Variants in SH3D19 observed in about 807,000 individuals in gnomAD.
SH3D19 encodes SH3 domain-containing protein 19.
Under a neutral mutation model 112.1 loss-of-function variants are expected in SH3D19, and 58 were observed. The ratio of observed to expected loss-of-function variants is 0.52; its 90% CI spans 0.42 to 0.64. SH3D19 has a LOEUF of 0.64. Ranked by LOEUF, SH3D19 falls within the 30% of genes least tolerant of loss-of-function variation. The pLI, the probability that SH3D19 is intolerant of heterozygous loss-of-function variation, is 0.00. For missense variants in SH3D19, 1,090 were observed against 1,263.4 expected (o/e 0.86, Z 2.08); for synonymous variants, 391 against 448.5 (o/e 0.87, Z 1.62).
chr4:151,198,817 T>G (rs1230745586), intron 2 of SH3D19, among the ~76,000 whole-genome samples: 1 of 152,200 alleles, frequency 6.6e-6, no homozygotes, highest in East Asian at 1.9e-4. Context: ...GGAGTTACTG[T>G]TATAAAGCTG....
chr4:151,227,025 A>C (rs1210299501), intron 1 of SH3D19, among the ~76,000 whole-genome samples: 2 of 152,222 alleles, frequency 1.3e-5, no homozygotes, highest in Non-Finnish European at 2.9e-5. Flanking sequence ...AATATGAAGC[A>C]ATATACAAAC....
intron 1 of SH3D19, among the ~76,000 whole-genome samples, chr4:151,307,330 T>A (rs1490956725): frequency 6.6e-6 from 1 of 152,220 alleles, no homozygotes; most frequent in African/African-American, 2.4e-5. Context: ...CCCCTAATGA[T>A]GACTTCTATC....
chr4:151,190,435 C>G (rs1311146815), intron 2 of SH3D19, among the ~76,000 whole-genome samples: 2 of 152,204 alleles, frequency 1.3e-5, no homozygotes, highest in Non-Finnish European at 2.9e-5. Flanking sequence ...CCTCCCATCA[C>G]AGGCCCTGAG....
intron 19 of SH3D19, among the ~76,000 whole-genome samples, chr4:151,127,225 G>A (rs138299891): frequency 6.6e-6 from 1 of 152,284 alleles, no homozygotes; most frequent in African/African-American, 2.4e-5. Context: ...ATTGTAGCAG[G>A]TGCTATCTGA....
chr4:151,304,893 C>A (rs115368941), intron 1 of SH3D19, among the ~76,000 whole-genome samples: 327 of 152,266 alleles, frequency 2.1e-3, no homozygotes, highest in African/African-American at 7.7e-3. Flanking sequence ...TGTCTGAGTA[C>A]TGAAGGTGTG....
intron 1 of SH3D19, among the ~76,000 whole-genome samples, chr4:151,250,979 C>T (rs187500454): frequency 6.6e-6 from 1 of 152,238 alleles, no homozygotes; most frequent in Non-Finnish European, 1.5e-5. Flanking sequence ...AGGGCACAGA[C>T]CCCAGAATAC....
In SH3D19 at chr4:151,128,250, C is replaced by T. The variant is rs765981469; in HGVS notation, c.2849G>A (p.Arg950His). The change falls in exon 18 of 20, where the codon CGT (arginine) becomes CAT (histidine). Residue 950 changes from arginine to histidine, a missense_variant. Coordinates refer to ENST00000604030, the MANE Select transcript of SH3D19 (RefSeq NM_001378122.1). ...KRGDRIQILE[R>H]LDSDWCRGRL... ...GCCCCTGCACCAGTCAGAATCCAGA[C>T]GTTCCAGAATCTGGATCCGGTCTCC... 8.1e-6 allele frequency: 13 copies of T among 1,613,992 alleles called. No individual in the cohort carries two copies. The highest frequency in any genetic ancestry group is 2.2e-5 in the East Asian group (1 of 44,894).
chr4:151,180,817 G>A (rs1036628718), intron 3 of SH3D19, among the ~76,000 whole-genome samples: 1 of 151,158 alleles, frequency 6.6e-6, no homozygotes, highest in African/African-American at 2.4e-5. Context: ...AGGCTGGAGT[G>A]CAGTGGCGCC....
intron 1 of SH3D19, among the ~76,000 whole-genome samples, chr4:151,288,576 G>A (rs569835861): frequency 5.9e-5 from 9 of 151,936 alleles, no homozygotes; most frequent in Non-Finnish European, 1.3e-4. Context: ...GTGAAACCTC[G>A]TCTCTACTAA....
intron 1 of SH3D19, among the ~76,000 whole-genome samples, chr4:151,292,988 C>G (rs910528758): frequency 6.6e-6 from 1 of 151,862 alleles, no homozygotes; most frequent in Non-Finnish European, 1.5e-5. Flanking sequence ...GGCATGGTGG[C>G]GGGTGCCTGT....
intron 1 of SH3D19, among the ~76,000 whole-genome samples, chr4:151,318,915 A>C (rs1042070059): frequency 1.3e-5 from 2 of 152,208 alleles, no homozygotes; most frequent in African/African-American, 4.8e-5. Context: ...TCTTCTTTAA[A>C]GTGTAACAGT....
At chr4:151,285,700 C>G (rs905613035) in intron 1 of SH3D19, among the ~76,000 whole-genome samples, 4 of 151,888 alleles carry the variant, frequency 2.6e-5, no homozygotes, top group African/African-American at 9.7e-5. Context: ...GACCTTGTCT[C>G]TACTAAAAAT....
At chr4:151,226,539 G>C (rs1769032796) in intron 1 of SH3D19, 8 of 889,522 alleles carry the variant, frequency 9.0e-6, no homozygotes, top group Non-Finnish European at 1.1e-5. Flanking sequence ...CAAATACTAA[G>C]ACCAATACAG....
intron 2 of SH3D19, among the ~76,000 whole-genome samples, chr4:151,216,095 C>T (rs1767044273): frequency 6.6e-6 from 1 of 152,178 alleles, no homozygotes; most frequent in African/African-American, 2.4e-5. Flanking sequence ...TCCCAAAGTG[C>T]TGGGATTACA....
intron 1 of SH3D19, among the ~76,000 whole-genome samples, chr4:151,313,519 C>T (rs1455575914): frequency 6.6e-6 from 1 of 152,118 alleles, no homozygotes; most frequent in East Asian, 1.9e-4. Flanking sequence ...TGGGCTCAAG[C>T]GATCCTCCTC....
rs1759988210 is a variant in SH3D19 at position 151,176,536 on chromosome 4, T to C, written c.527A>G (p.Gln176Arg). Residue 176 changes from glutamine to arginine, a missense_variant and splice_region_variant, in exon 6 of 20, where the codon CAA becomes CGA. By Grantham distance (43) the Gln-to-Arg change is conservative. Coordinates refer to ENST00000604030, the MANE Select transcript of SH3D19 (RefSeq NM_001378122.1). The stretch of plus-strand genomic sequence containing the variant: ...GGAAGACAAATTACTTGCATTACTT[T>C]GAGGCAGATCGTTGTCTATTTCTTC... ...FSEEIDNDLP[Q>R]TLQAPLKPLQ... 3.2e-6 allele frequency: 4 copies of C among 1,232,204 alleles called. No individual in the cohort carries two copies. In the South Asian group the frequency reaches 1.6e-4, roughly 51 times the overall value. The allele number at this position is 1,232,204 out of a possible 1,614,324, so 76.3% of individuals were successfully genotyped here. A position where few individuals can be genotyped will look rare whatever the true frequency, so the allele number is the denominator to read the frequency against.
intron 3 of SH3D19, among the ~76,000 whole-genome samples, chr4:151,185,654 A>AAAATG (rs1486915677): frequency 2.9e-4 from 44 of 152,290 alleles, no homozygotes; most frequent in African/African-American, 8.7e-4. Context: ...ATAAAGAAAA[A>AAAATG]AAATGGAGTG....
chr4:151,155,351 A>C (rs537510723), intron 9 of SH3D19, among the ~76,000 whole-genome samples: 2 of 152,294 alleles, frequency 1.3e-5, no homozygotes, highest in South Asian at 4.1e-4. Flanking sequence ...GTGATCACTA[A>C]ATTTTAATTC....
intron 1 of SH3D19, among the ~76,000 whole-genome samples, chr4:151,238,424 G>A (rs1770297713): frequency 2.0e-5 from 3 of 152,184 alleles, no homozygotes. Context: ...CAGCTGTTAA[G>A]GGTAAAAATA....
Sources: allele counts gnomAD v4.1 joint callset (sites outside exome capture counted in the v4.1 genomes callset), GRCh38; gene constraint gnomAD v4.1.1; transcripts MANE v1.5; gene names NCBI Gene and HGNC (gene_info 2026-07-23, HGNC 2026-07-21).